MTDH: variants seen among roughly 807,000 people sequenced by gnomAD.
MTDH encodes the protein protein LYRIC.
Under a neutral mutation model 72.7 loss-of-function variants are expected in MTDH, and 34 were observed. That is an observed-to-expected ratio of 0.47 (90% CI 0.36 to 0.62). The LOEUF is 0.62. Ranked by LOEUF, MTDH falls within the 20% of genes least tolerant of loss-of-function variation. The probability of loss-of-function intolerance (pLI) is 0.00; values close to 1 mark genes in which losing one functional copy is unlikely to be tolerated. For missense variants in MTDH, 677 were observed against 699.4 expected (o/e 0.97, Z 0.36); for synonymous variants, 266 against 268.9 (o/e 0.99, Z 0.10).
At chr8:97,703,040 T>G (rs143818303) in intron 7 of MTDH, among the ~76,000 whole-genome samples, 2 of 152,342 alleles carry the variant, frequency 1.3e-5, no homozygotes, top group African/African-American at 4.8e-5. Flanking sequence ...TCTAAGAAGT[T>G]TTTTGGTACA....
At chr8:97,706,047 A>G (rs1814338012) in intron 7 of MTDH, among the ~76,000 whole-genome samples, 1 of 152,252 alleles carries the variant, frequency 6.6e-6, no homozygotes, top group Admixed American at 6.5e-5. Context: ...GATAAAAAGC[A>G]CATTGAATGA....
intron 7 of MTDH, among the ~76,000 whole-genome samples, chr8:97,701,631 T>C (rs1241906305): frequency 6.6e-6 from 1 of 152,188 alleles, no homozygotes; most frequent in Non-Finnish European, 1.5e-5. Flanking sequence ...ATCAGCTATA[T>C]GCAGAATAGA....
At position 97,682,249 on chromosome 8, in the gene MTDH, TATATATATATATATATATATATATA is replaced by T. The variant is rs1563542340; in HGVS notation, c.484-4418_484-4394del. Among the ~76,000 whole-genome samples, 23 of 5,940 alleles carry T rather than the reference TATATATATATATATATATATATATA, an allele frequency of 3.9e-3. 2 individuals are homozygous for T. Among genetic ancestry groups the T allele is most frequent in the East Asian group, 0.021 (5 of 240 alleles). 3.9% of individuals were successfully genotyped at this position (5,940 alleles called of 152,430 possible). ...ATTACTTTATATATATATATATATA[TATATATATATATATATATATATATA>T]TATATATTTTTTTTTTTTTTTTTTT... On this transcript the variant is annotated intron_variant, in intron 2 of 11. Coordinates refer to ENST00000336273, the MANE Select transcript of MTDH (RefSeq NM_178812.4).
rs1012764176 is a variant in MTDH at position 97,726,843 on chromosome 8, G to A, written c.*2173G>A. On this transcript the variant is annotated 3_prime_UTR_variant, in exon 12 of 12. Transcript: ENST00000336273. ...TAATCCCAGCACTTTGGGAGGCCGA[G>A]GCAGGTGGATCACGAGGTCAGGAGT... The A allele has an allele frequency of 6.6e-6, 1 of 152,144 alleles. No homozygotes were observed. Among genetic ancestry groups the A allele is most frequent in the Non-Finnish European group, 1.5e-5 (1 of 68,082 alleles). The allele number at this position is 152,144 out of a possible 1,614,324, so 9.4% of individuals were successfully genotyped here.
intron 2 of MTDH, among the ~76,000 whole-genome samples, chr8:97,675,556 T>C (rs576569015): frequency 9.8e-4 from 107 of 108,708 alleles, no homozygotes; most frequent in African/African-American, 4.0e-3. Context: ...CAAGACTCTG[T>C]CTCAAAAAAA....
chr8:97,713,864 A>G, intron 9 of MTDH, 95 bp downstream of exon 9: 1 of 540,042 alleles, frequency 1.9e-6, no homozygotes, highest in South Asian at 5.3e-5. Context: ...GAGATAAAAG[A>G]CAGTATGAGA....
At chr8:97,702,366 A>T (rs933649700) in intron 7 of MTDH, among the ~76,000 whole-genome samples, 1 of 152,224 alleles carries the variant, frequency 6.6e-6, no homozygotes, top group Non-Finnish European at 1.5e-5. Context: ...GCCTTTGCCC[A>T]TATGCAGGTT....
chr8:97,681,735 C>T (rs922401212), intron 2 of MTDH, among the ~76,000 whole-genome samples: 7 of 151,908 alleles, frequency 4.6e-5, no homozygotes, highest in Non-Finnish European at 8.8e-5. Context: ...TCAGGTAATC[C>T]GCCCACCTCA....
chr8:97,660,893 A>G (rs908186698), intron 1 of MTDH, among the ~76,000 whole-genome samples, 179 bp from the exon 2 acceptor site: 1 of 134,024 alleles, frequency 7.5e-6, no homozygotes, highest in Middle Eastern at 3.4e-3. Flanking sequence ...TTATATATAT[A>G]TATATATAAA....
chr8:97,696,538 G>A (rs1813839315), intron 6 of MTDH, among the ~76,000 whole-genome samples: 1 of 152,164 alleles, frequency 6.6e-6, no homozygotes, highest in Admixed American at 6.5e-5. Context: ...TTGGCACACA[G>A]ACAAATACAC....
At chr8:97,648,340 C>G (rs948525751) in intron 1 of MTDH, among the ~76,000 whole-genome samples, 5 of 151,626 alleles carry the variant, frequency 3.3e-5, no homozygotes, top group Non-Finnish European at 2.9e-5. Context: ...ACCTCAAAGT[C>G]TGTATTAAAT....
chr8:97,713,480 A>G (rs1463453424), intron 8 of MTDH, among the ~76,000 whole-genome samples, 182 bp from the exon 9 acceptor site: 1 of 152,166 alleles, frequency 6.6e-6, no homozygotes, highest in African/African-American at 2.4e-5. Flanking sequence ...ATGAGGTTCC[A>G]TGTATTTTGT....
Position 97,656,323 on chromosome 8 carries a change from T to G in MTDH, c.382-4749T>G, listed in dbSNP as rs796753643. ...ATACTTTTTTTTTTTTTTTTTTTTT[T>G]GAGACAGAGACTCGCTCTGTCCCCA... On this transcript the variant is annotated intron_variant, in intron 1 of 11. Coordinates refer to ENST00000336273, the MANE Select transcript of MTDH (RefSeq NM_178812.4). Among the ~76,000 whole-genome samples, 359 of 127,742 alleles carry G rather than the reference T, an allele frequency of 2.8e-3. 1 individual carries two copies. The highest frequency in any genetic ancestry group is 0.011 in the African/African-American group (341 of 30,074). 83.8% of individuals were successfully genotyped at this position (127,742 alleles called of 152,430 possible). A position where few individuals can be genotyped will look rare whatever the true frequency, so the allele number is the denominator to read the frequency against.
At chr8:97,669,857 A>C (rs1023408774) in intron 2 of MTDH, among the ~76,000 whole-genome samples, 1 of 145,602 alleles carries the variant, frequency 6.9e-6, no homozygotes, top group African/African-American at 2.5e-5. Context: ...CGGAGGTTGC[A>C]GGCGGAGTGG....
intron 2 of MTDH, among the ~76,000 whole-genome samples, chr8:97,680,664 A>G (rs1284344457): frequency 1.3e-5 from 2 of 152,256 alleles, no homozygotes; most frequent in South Asian, 2.1e-4. Flanking sequence ...GTGAAAGCTA[A>G]TAGGAAAATT....
chr8:97,714,819 T>G (rs759052603), intron 9 of MTDH, among the ~76,000 whole-genome samples: 5 of 152,018 alleles, frequency 3.3e-5, no homozygotes, highest in Non-Finnish European at 5.9e-5. Flanking sequence ...ATTGTTCTAT[T>G]TGTTTATCTT....
chr8:97,650,449 A>G (rs1811726428), intron 1 of MTDH, among the ~76,000 whole-genome samples: 3 of 151,102 alleles, frequency 2.0e-5, no homozygotes, highest in Admixed American at 2.0e-4. Context: ...TAATTTTTGA[A>G]TTTTTTGTAG....
intron 2 of MTDH, among the ~76,000 whole-genome samples, chr8:97,682,232 A>T (rs972075586): frequency 0.28 from 594 of 2,096 alleles, 22 homozygotes; most frequent in African/African-American, 0.43. Flanking sequence ...TAATTACTTT[A>T]TATATATATA....
chr8:97,702,391 T>C (rs2131037920), intron 7 of MTDH, among the ~76,000 whole-genome samples: 1 of 152,336 alleles, frequency 6.6e-6, no homozygotes, highest in South Asian at 2.1e-4. Context: ...GATTATTCTA[T>C]GCCTCAATTT....
Sources: gnomAD v4.1 joint callset for allele counts (sites outside exome capture counted in the v4.1 genomes callset) on GRCh38, gnomAD v4.1.1 for gene constraint, MANE v1.5 for transcripts, NCBI Gene and HGNC (gene_info 2026-07-23, HGNC 2026-07-21) for gene names.